Variants in NTRK3 observed in about 807,000 individuals in gnomAD.
NTRK3 encodes the protein neurotrophic receptor tyrosine kinase 3.
NTRK3 carries 24 observed loss-of-function variants against 91.7 expected under a neutral mutation model. The observed-to-expected ratio is 0.26, with a 90% CI of 0.19 to 0.37. The LOEUF is 0.37. Ranked by LOEUF, NTRK3 falls within the 10% of genes least tolerant of loss-of-function variation. The pLI, the probability that NTRK3 is intolerant of heterozygous loss-of-function variation, is 1.00. For synonymous variants in NTRK3, 483 were observed against 404.0 expected (o/e 1.20, Z -2.34); for missense variants, 880 against 1,068.9 (o/e 0.82, Z 2.46).
At position 88,241,956 on chromosome 15, in the gene NTRK3, G is replaced by A. The variant is rs560494837; in HGVS notation, c.248+13950C>T. On this transcript the variant is annotated intron_variant, in intron 3 of 18. Transcript: ENST00000394480. The surrounding 1 kb of genome is among the most constrained non-coding windows in gnomAD (Gnocchi z 4.3). Reference sequence around the variant, plus strand: ...AGACCTAGGGACAATGGAGACCTCAGGGGTCCTGCTCTCCACGGCTTTCCC... The same window carrying A: ...AGACCTAGGGACAATGGAGACCTCAAGGGTCCTGCTCTCCACGGCTTTCCC... Among the ~76,000 whole-genome samples, 1 of 152,298 alleles carries A rather than the reference G, an allele frequency of 6.6e-6. No individual in the cohort carries two copies. Among genetic ancestry groups the A allele is most frequent in the East Asian group, 1.9e-4 (1 of 5,176 alleles).
At position 87,986,883 on chromosome 15, in the gene NTRK3, G is replaced by C. The variant is rs185688245; in HGVS notation, c.1585+45974C>G. The stretch of plus-strand genomic sequence containing the variant: ...GCTACCACTAAACTCTGCCAGTATA[G>C]TCTGAAGGCAGCCACAGACAACACA... On this transcript the variant is annotated intron_variant, in intron 14 of 18. Coordinates refer to ENST00000394480, the Ensembl canonical transcript of NTRK3. Among the ~76,000 whole-genome samples, 33 of 152,340 alleles carry C rather than the reference G, an allele frequency of 2.2e-4. 1 individual carries two copies. In the East Asian group the frequency reaches 6.2e-3, roughly 28 times the overall value.
intron 14 of NTRK3, among the ~76,000 whole-genome samples, chr15:88,023,278 C>G (rs1461212): frequency 0.55 from 83,866 of 151,996 alleles, 26,496 homozygotes; most frequent in African/African-American, 0.88. Flanking sequence ...GCTCTTTCTA[C>G]AAAGAAAGAA....
chr15:87,960,686 T>C (rs2072188205), intron 14 of NTRK3, among the ~76,000 whole-genome samples: 1 of 152,138 alleles, frequency 6.6e-6, no homozygotes, highest in Non-Finnish European at 1.5e-5. Flanking sequence ...TGTTTTGCCA[T>C]GTTGGCCAGG....
chr15:88,059,374 G>C (rs1188886538), intron 13 of NTRK3, among the ~76,000 whole-genome samples: 1 of 152,142 alleles, frequency 6.6e-6, no homozygotes, highest in Non-Finnish European at 1.5e-5. Flanking sequence ...AGTTCACTTG[G>C]TAAGCAGTAC....
exon 14 of NTRK3, chr15:88,032,932 C>G: frequency 6.2e-7 from 1 of 1,613,456 alleles, no homozygotes; most frequent in South Asian, 1.1e-5. Flanking sequence ...CGAGTCATGC[C>G]AATGACCACA....
intron 5 of NTRK3, among the ~76,000 whole-genome samples, chr15:88,175,116 T>A (rs1239844597): frequency 6.6e-6 from 1 of 152,244 alleles, no homozygotes; most frequent in Non-Finnish European, 1.5e-5. Context: ...ATACACTGAT[T>A]ACAGCCTCTG....
At chr15:87,900,809 G>T (rs1458115002) in intron 17 of NTRK3, among the ~76,000 whole-genome samples, 1 of 151,454 alleles carries the variant, frequency 6.6e-6, no homozygotes, top group African/African-American at 2.4e-5. Context: ...ATACCTCCTG[G>T]CTCACCCCTG....
chr15:87,905,828 G>A (rs969835055), intron 17 of NTRK3, among the ~76,000 whole-genome samples: 4 of 152,108 alleles, frequency 2.6e-5, no homozygotes, highest in South Asian at 2.1e-4. Context: ...CACCTCAGCC[G>A]AGGATGGAAG....
intron 13 of NTRK3, among the ~76,000 whole-genome samples, chr15:88,041,824 TA>T (rs35696268): frequency 0.2 from 18,065 of 90,090 alleles, 1,552 homozygotes; most frequent in African/African-American, 0.36. Flanking sequence ...AAGTCCCTCA[TA>T]AAAAAAAAAA....
At chr15:87,931,493 C>A (rs1167918153) in intron 16 of NTRK3, among the ~76,000 whole-genome samples, 1 of 152,188 alleles carries the variant, frequency 6.6e-6, no homozygotes, top group Non-Finnish European at 1.5e-5. Context: ...AGCAACAACC[C>A]CGTGAAGCAG....
At chr15:88,245,678 A>G (rs557643623) in intron 3 of NTRK3, among the ~76,000 whole-genome samples, 21 of 152,020 alleles carry the variant, frequency 1.4e-4, no homozygotes, top group African/African-American at 4.4e-4. Context: ...TAGTAATAGG[A>G]AGACAGAGAA....
chr15:88,067,669 C>G (rs766130674), intron 13 of NTRK3, among the ~76,000 whole-genome samples: 2 of 152,138 alleles, frequency 1.3e-5, no homozygotes, highest in Non-Finnish European at 2.9e-5. Flanking sequence ...GATGAGTCCA[C>G]CCATTTGAAG....
At chr15:88,205,794 C>T (rs369376543) in intron 3 of NTRK3, 2 of 152,340 alleles carry the variant, frequency 1.3e-5, no homozygotes, top group Admixed American at 6.5e-5. Context: ...ACAGGCTGAA[C>T]AGAGTCTCCC....
At chr15:88,037,328 G>A (rs1316129009) in intron 13 of NTRK3, among the ~76,000 whole-genome samples, 19 of 152,166 alleles carry the variant, frequency 1.2e-4, no homozygotes, top group Admixed American at 1.2e-3. Flanking sequence ...TTGGGAGGCC[G>A]AGGTGAGCAG....
At chr15:88,224,733 C>T (rs1021573055) in intron 3 of NTRK3, among the ~76,000 whole-genome samples, 2 of 152,124 alleles carry the variant, frequency 1.3e-5, no homozygotes, top group African/African-American at 2.4e-5. Context: ...AGGAGTGCTG[C>T]GACTCTGGGA....
rs138257817 is a variant in NTRK3 at position 88,174,250 on chromosome 15, T to A, written c.395+9168A>T. Among the ~76,000 whole-genome samples the A allele has an allele frequency of 7.0e-3, 1,059 of 152,256 alleles. 21 individuals carry two copies. Among genetic ancestry groups the A allele is most frequent in the Admixed American group, 0.045 (691 of 15,310 alleles). Reference sequence around the variant, plus strand: ...GCCACTTATAACACTGTCTCATGTTTGAGATGTGAAAACAGACCAAATGGG... The same window carrying A: ...GCCACTTATAACACTGTCTCATGTTAGAGATGTGAAAACAGACCAAATGGG... On this transcript the variant is annotated intron_variant, in intron 5 of 18. Coordinates refer to ENST00000394480, the Ensembl canonical transcript of NTRK3.
intron 14 of NTRK3, among the ~76,000 whole-genome samples, chr15:87,998,706 T>C (rs2075884417): frequency 6.6e-6 from 1 of 152,122 alleles, no homozygotes. Flanking sequence ...GAAACTTCAA[T>C]AGCCATTATG....
chr15:88,058,623 T>C (rs2045936050), intron 13 of NTRK3, among the ~76,000 whole-genome samples: 1 of 152,124 alleles, frequency 6.6e-6, no homozygotes, highest in African/African-American at 2.4e-5. Context: ...CAATGCCCGT[T>C]CCTGAGAACA....
exon 19 of NTRK3, chr15:87,873,202 A>G (rs182346443): frequency 2.6e-5 from 6 of 231,674 alleles, no homozygotes; most frequent in Non-Finnish European, 4.3e-5. Flanking sequence ...ACCTGAACCC[A>G]GAAGGACCAA....
Sources: allele counts gnomAD v4.1 joint callset (sites outside exome capture counted in the v4.1 genomes callset), GRCh38; gene constraint gnomAD v4.1.1; non-coding constraint Gnocchi (gnomAD v3.1); transcripts MANE v1.5; gene names NCBI Gene and HGNC (gene_info 2026-07-23, HGNC 2026-07-21).